The following ZBTB20 variants were observed in gnomAD, a reference collection of about 807,000 sequenced individuals.
ZBTB20 encodes zinc finger and BTB domain containing 20.
In ZBTB20, 9 loss-of-function variants were observed where a neutral mutation model predicts 56.9. The ratio of observed to expected loss-of-function variants is 0.16; its 90% CI spans 0.10 to 0.28. The LOEUF (loss-of-function observed/expected upper bound fraction) is 0.28. Ranked by LOEUF, ZBTB20 falls within the 10% of genes least tolerant of loss-of-function variation. The pLI, the probability that ZBTB20 is intolerant of heterozygous loss-of-function variation, is 1.00. For synonymous variants in ZBTB20, 417 were observed against 420.7 expected, an observed-to-expected ratio of 0.99 and a Z score of 0.11; for missense variants, 655 against 1,003.0, an observed-to-expected ratio of 0.65 and a Z score of 4.69.
chr3:114,585,003 T>C (rs1013198200), intron 6 of ZBTB20, among the ~76,000 whole-genome samples: 2 of 151,972 alleles, frequency 1.3e-5, no homozygotes, highest in African/African-American at 4.8e-5. Flanking sequence ...ACCTATGGCA[T>C]CAACAAAGGC....
At chr3:114,629,336 T>C (rs968625436) in intron 6 of ZBTB20, among the ~76,000 whole-genome samples, 11 of 152,232 alleles carry the variant, frequency 7.2e-5, no homozygotes, top group Non-Finnish European at 1.5e-4. Context: ...TGGCTATCAT[T>C]ATCCTAGCAT....
intron 3 of ZBTB20, among the ~76,000 whole-genome samples, chr3:114,971,401 G>A (rs757338487): frequency 4.6e-5 from 7 of 152,204 alleles, no homozygotes; most frequent in Non-Finnish European, 8.8e-5. Flanking sequence ...GTCCATAGAC[G>A]TGTTAGGGAA....
At chr3:115,105,031 T>G (rs2083682191) in intron 1 of ZBTB20, among the ~76,000 whole-genome samples, 1 of 152,122 alleles carries the variant, frequency 6.6e-6, no homozygotes, top group African/African-American at 2.4e-5. Context: ...CAAAAAAAAG[T>G]CTATTAAACA....
intron 5 of ZBTB20, among the ~76,000 whole-genome samples, chr3:114,754,671 C>G (rs1425697922): frequency 6.6e-6 from 1 of 151,972 alleles, no homozygotes; most frequent in African/African-American, 2.4e-5. Flanking sequence ...ATCTTTTTAT[C>G]TCTAGTGCCC....
At chr3:114,641,433 ACTTATATAGATAATTTTT>A (rs1337562936) in intron 6 of ZBTB20, among the ~76,000 whole-genome samples, 6 of 151,840 alleles carry the variant, frequency 4.0e-5, no homozygotes, top group African/African-American at 1.2e-4. Flanking sequence ...AATATATACC[ACTTATATAGATAATTTTT>A]CTTATATAGA....
chr3:115,121,376 T>C (rs1251044538), intron 1 of ZBTB20, among the ~76,000 whole-genome samples: 2 of 152,006 alleles, frequency 1.3e-5, no homozygotes, highest in South Asian at 2.1e-4. Context: ...TCCTTTTTTT[T>C]TCTGGAGTAG....
intron 6 of ZBTB20, among the ~76,000 whole-genome samples, chr3:114,533,280 T>G (rs1054810063): frequency 9.2e-5 from 14 of 151,406 alleles, no homozygotes; most frequent in African/African-American, 3.4e-4. Context: ...GAATAACCAG[T>G]TTAGAGAAGA....
intron 7 of ZBTB20, among the ~76,000 whole-genome samples, chr3:114,418,644 A>G (rs2088827282): frequency 6.6e-6 from 1 of 152,040 alleles, no homozygotes; most frequent in Non-Finnish European, 1.5e-5. Flanking sequence ...TCCCAAGGGA[A>G]GTAGTAGAAG....
chr3:114,558,369 T>C (rs577515065), intron 6 of ZBTB20, among the ~76,000 whole-genome samples: 3 of 152,120 alleles, frequency 2.0e-5, no homozygotes, highest in South Asian at 2.1e-4. Context: ...CTAATAACAG[T>C]ACCTCATTTG....
rs111514122 is a variant in ZBTB20 at position 114,833,385 on chromosome 3, C to G, written c.-416-32211G>C. Among the ~76,000 whole-genome samples, 1,153 of 152,206 alleles carry G rather than the reference C, an allele frequency of 7.6e-3. 12 individuals are homozygous for G. The highest frequency in any genetic ancestry group is 0.026 in the African/African-American group (1,096 of 41,544). ...AAAATGCAACAATACAACTGCAACA[C>G]TTTAAATACTTTAAAATACAAATGC... On this transcript the variant is annotated intron_variant, in intron 4 of 11. Coordinates refer to ENST00000675478, the MANE Select transcript of ZBTB20 (RefSeq NM_001348800.3).
chr3:114,856,823 G>C (rs901491227), intron 4 of ZBTB20, among the ~76,000 whole-genome samples: 3 of 152,034 alleles, frequency 2.0e-5, no homozygotes, highest in African/African-American at 7.2e-5. Context: ...TGTTTAATTT[G>C]AGACAAAGTG....
At chr3:114,777,630 C>T (rs1484318751) in intron 5 of ZBTB20, among the ~76,000 whole-genome samples, 2 of 152,176 alleles carry the variant, frequency 1.3e-5, no homozygotes, top group East Asian at 3.8e-4. Context: ...AATAGGAACA[C>T]TTTTACACTG....
intron 8 of ZBTB20, among the ~76,000 whole-genome samples, chr3:114,382,963 T>C (rs188378045): frequency 6.6e-6 from 1 of 152,356 alleles, no homozygotes; most frequent in Non-Finnish European, 1.5e-5. Context: ...GTCTATACTA[T>C]TAAGCAATGT....
intron 6 of ZBTB20, among the ~76,000 whole-genome samples, chr3:114,511,108 A>G (rs1290503216): frequency 6.6e-6 from 1 of 152,076 alleles, no homozygotes; most frequent in East Asian, 1.9e-4. Flanking sequence ...GCTAAAAAAA[A>G]AAAAAAAAGG....
chr3:114,628,913 C>T (rs530162133), intron 6 of ZBTB20, among the ~76,000 whole-genome samples: 112 of 152,068 alleles, frequency 7.4e-4, no homozygotes, highest in Middle Eastern at 3.4e-3. Flanking sequence ...TCCAGTTTGT[C>T]CATATTTTGT....
intron 6 of ZBTB20, among the ~76,000 whole-genome samples, chr3:114,614,090 T>A (rs2057748201): frequency 6.6e-6 from 1 of 152,204 alleles, no homozygotes; most frequent in Admixed American, 6.5e-5. Flanking sequence ...GTCTTCACTC[T>A]TAACCACACT....
At chr3:114,999,752 T>A (rs1455951323) in intron 2 of ZBTB20, among the ~76,000 whole-genome samples, 1 of 151,666 alleles carries the variant, frequency 6.6e-6, no homozygotes, top group Admixed American at 6.6e-5. Flanking sequence ...TACTACCACC[T>A]CTCCAAGCGT....
At position 114,380,935 on chromosome 3, in the gene ZBTB20, C is replaced by T. The variant is rs868429846; in HGVS notation, c.-148G>A. 21 of 533,652 alleles carry T rather than the reference C, an allele frequency of 3.9e-5. No individual in the cohort carries two copies. Among genetic ancestry groups the T allele is most frequent in the Non-Finnish European group, 6.0e-5 (20 of 336,058 alleles). 33.1% of individuals were successfully genotyped at this position (533,652 alleles called of 1,614,324 possible). A position where few individuals can be genotyped will look rare whatever the true frequency, so the allele number is the denominator to read the frequency against. ...ACTTCACCTCTCTGGGCTTCAGTTT[C>T]CTCATCTGTAAAATAAAGGGCTTGG... On this transcript the variant is annotated 5_prime_UTR_variant, in exon 9 of 12. Transcript: ENST00000675478.
intron 6 of ZBTB20, among the ~76,000 whole-genome samples, chr3:114,573,281 G>A (rs1257848596): frequency 6.6e-6 from 1 of 151,994 alleles, no homozygotes; most frequent in African/African-American, 2.4e-5. Context: ...GCAACATGGT[G>A]AAACCCTGTC....
Sources: gnomAD v4.1 joint callset for allele counts (sites outside exome capture counted in the v4.1 genomes callset) on GRCh38, gnomAD v4.1.1 for gene constraint, MANE v1.5 for transcripts, NCBI Gene and HGNC (gene_info 2026-07-23, HGNC 2026-07-21) for gene names.